The following USP42 variants were observed in gnomAD, a reference collection of about 807,000 sequenced individuals.
The protein encoded by USP42 is ubiquitin carboxyl-terminal hydrolase 42.
Under a neutral mutation model 113.0 loss-of-function variants are expected in USP42, and 23 were observed. The observed-to-expected ratio is 0.20, with a 90% CI of 0.15 to 0.29. The LOEUF is 0.29. Ranked by LOEUF, USP42 falls within the 10% of genes least tolerant of loss-of-function variation. The pLI is 1.00. For synonymous variants in USP42, 933 were observed against 699.0 expected (o/e 1.33, Z -5.28); for missense variants, 2,174 against 1,779.8 (o/e 1.22, Z -3.99).
chr7:6,139,880 T>G lies in USP42; in HGVS notation c.657-248T>G. ...TTCAGGACCAGACTCCTGCCTTGCT[T>G]CCCGAGTCCCTTCCTGACAGACACA... On this transcript the variant is annotated intron_variant, in intron 5 of 17. Transcript: ENST00000306177. The surrounding 1 kb of genome is among the most constrained non-coding windows in gnomAD (Gnocchi z 4.5). The G allele has an allele frequency of 1.8e-6, 1 of 547,038 alleles. No individual in the cohort carries two copies. Among genetic ancestry groups the G allele is most frequent in the Non-Finnish European group, 3.3e-6 (1 of 305,682 alleles). 33.9% of individuals were successfully genotyped at this position (547,038 alleles called of 1,614,324 possible).
At chr7:6,142,118 C>T (rs1441824590) in intron 7 of USP42, among the ~76,000 whole-genome samples, 4 of 152,012 alleles carry the variant, frequency 2.6e-5, no homozygotes, top group Non-Finnish European at 5.9e-5. Flanking sequence ...TATTTTTGTT[C>T]ACTTTAATTC....
Position 6,139,220 on chromosome 7 carries a change from G to A in USP42, c.656+26G>A. On this transcript the variant is annotated intron_variant, in intron 5 of 17. Transcript: ENST00000306177. This position sits in a 1 kb window ranked among gnomAD's most constrained non-coding sequence, Gnocchi z 4.5. Reference sequence around the variant, plus strand: ...GTAAGTACAACAGAGCGCCAGCCATGTCTTCATTGGGGATCTCTGGTTGTA... The same window carrying A: ...GTAAGTACAACAGAGCGCCAGCCATATCTTCATTGGGGATCTCTGGTTGTA... 2 of 1,496,040 alleles carry A rather than the reference G, an allele frequency of 1.3e-6. No homozygotes were observed. Among genetic ancestry groups the A allele is most frequent in the Non-Finnish European group, 1.8e-6 (2 of 1,100,368 alleles). 92.7% of individuals were successfully genotyped at this position (1,496,040 alleles called of 1,614,324 possible). A position where few individuals can be genotyped will look rare whatever the true frequency, so the allele number is the denominator to read the frequency against.
chr7:6,155,365 T>A (rs1344803885), intron 15 of USP42, among the ~76,000 whole-genome samples, 170 bp downstream of exon 15: 2 of 152,208 alleles, frequency 1.3e-5, no homozygotes, highest in East Asian at 3.8e-4. Context: ...TTTACAGATT[T>A]GTAAAAATTT....
At chr7:6,152,655 C>T (rs890853832) in intron 14 of USP42, among the ~76,000 whole-genome samples, 4 of 152,204 alleles carry the variant, frequency 2.6e-5, no homozygotes, top group Admixed American at 6.5e-5. Flanking sequence ...ACTCTGGCCT[C>T]ACCTAGGCCA....
the USP42 span, among the ~76,000 whole-genome samples, chr7:6,092,023 C>CTTTTCTTCTTCTTCTTCTTCTT: frequency 2.7e-4 from 29 of 108,388 alleles, no homozygotes; most frequent in Non-Finnish European, 4.2e-4. Flanking sequence ...TCTTCTTCTT[C>CTTTTCTTCTTCTTCTTCTTCTT]TTCTTCTTCT....
intron 10 of USP42, 24 bp downstream of exon 10, chr7:6,145,680 A>G (rs1414337394): frequency 6.2e-7 from 1 of 1,605,986 alleles, no homozygotes; most frequent in African/African-American, 1.3e-5. Flanking sequence ...ATTTGCTATT[A>G]ACTATTGTTA....
In USP42 at chr7:6,149,974, T is replaced by C; in HGVS notation, c.1778T>C (p.Met593Thr). The change falls in exon 13 of 18, where the codon ATG becomes ACG. Residue 593 changes from methionine (M) to threonine (T), a missense_variant. Transcript: ENST00000306177. Reference protein sequence around the residue: ...PRSESCSQPVMNGKSKLNSSV... With the variant: ...PRSESCSQPVTNGKSKLNSSV... ...AGTGAATCCTGCTCCCAGCCCGTGA[T>C]GAATGGCAAATCCAAGCTGAACTCC... is the stretch of plus-strand genomic sequence containing the variant. 1 of 1,613,882 alleles carries C rather than the reference T, an allele frequency of 6.2e-7. No individual in the cohort carries two copies. The highest frequency in any genetic ancestry group is 8.5e-7 in the Non-Finnish European group (1 of 1,179,838).
At chr7:6,108,312 A>G (rs1583569286) in intron 1 of USP42, among the ~76,000 whole-genome samples, 1 of 152,082 alleles carries the variant, frequency 6.6e-6, no homozygotes, top group Admixed American at 6.6e-5. Flanking sequence ...CAGAGGCAGG[A>G]GGATCGTTTG....
chr7:6,118,944 G>A (rs753569905), intron 3 of USP42, among the ~76,000 whole-genome samples: 3 of 151,914 alleles, frequency 2.0e-5, no homozygotes, highest in Admixed American at 6.6e-5. Context: ...GCCAACTGCA[G>A]TGGCTCATGT....
intron 4 of USP42, among the ~76,000 whole-genome samples, chr7:6,136,808 CTT>C (rs80342183): frequency 4.2e-5 from 6 of 141,976 alleles, no homozygotes; most frequent in Non-Finnish European, 3.1e-5. Context: ...TTCGGTTCTT[CTT>C]TTTTTTTTTT....
intron 3 of USP42, among the ~76,000 whole-genome samples, chr7:6,132,967 G>A (rs117029740): frequency 0.013 from 2,008 of 152,276 alleles, 27 homozygotes; most frequent in Middle Eastern, 0.061. Context: ...CACTGCGCCC[G>A]GCCCAGCACT....
In USP42 at chr7:6,158,386, C is replaced by T. The variant is rs142705750; in HGVS notation, c.3944-1064C>T. Among the ~76,000 whole-genome samples, 465 of 152,360 alleles carry T rather than the reference C, an allele frequency of 3.1e-3. 2 individuals carry two copies. The highest frequency in any genetic ancestry group is 0.011 in the African/African-American group (449 of 41,596). ...TCACGTGTGAAGCGCATCCCCTCCT[C>T]CCAGGGGCTTTTGACGAATCTTCAG... On this transcript the variant is annotated intron_variant, in intron 16 of 17. Transcript: ENST00000306177. The surrounding 1 kb of genome is among the most constrained non-coding windows in gnomAD (Gnocchi z 4.2).
At chr7:6,140,307 C>A in intron 6 of USP42, 112 bp downstream of exon 6, 1 of 960,810 alleles carries the variant, frequency 1.0e-6, no homozygotes, top group Non-Finnish European at 1.6e-6. Flanking sequence ...TTCTCTCCAG[C>A]CCAGATTCTC....
At chr7:6,116,519 G>A (rs1043228312) in intron 3 of USP42, 1 of 276,582 alleles carries the variant, frequency 3.6e-6, no homozygotes, top group Non-Finnish European at 6.9e-6. Context: ...ATTCATGTGT[G>A]TATGTTCTGG....
the USP42 span, among the ~76,000 whole-genome samples, chr7:6,092,053 C>T: frequency 8.4e-4 from 35 of 41,756 alleles, 1 homozygote; most frequent in South Asian, 2.3e-3. Flanking sequence ...TCTTCTTCTT[C>T]TTTCTTCTTC....
In USP42 at chr7:6,156,817, AAAG is replaced by A. The variant is rs749609264; in HGVS notation, c.3714_3716del (p.Lys1241del). On this transcript the variant is annotated inframe_deletion, in exon 16 of 18. Coordinates refer to ENST00000306177, the MANE Select transcript of USP42 (RefSeq NM_032172.3). ...ACGCTGACCTCCACAGACACAAAAA[AAAG>A]AAGAAGAAAAAGAAGAGACATTCAA... 757 of 1,607,746 alleles carry A rather than the reference AAAG, an allele frequency of 4.7e-4. 1 individual carries two copies. The highest frequency in any genetic ancestry group is 5.7e-4 in the Non-Finnish European group (670 of 1,178,152).
intron 1 of USP42, 148 bp downstream of exon 1, chr7:6,105,180 A>C (rs1779194037): frequency 7.1e-6 from 1 of 141,652 alleles, no homozygotes; most frequent in Non-Finnish European, 1.6e-5. Context: ...CTCCCCCTAC[A>C]CAGCCGCGGG....
In USP42 at chr7:6,158,154, T is replaced by G. The variant is rs1462930504; in HGVS notation, c.3943+1099T>G. Among the ~76,000 whole-genome samples the G allele has an allele frequency of 6.6e-6, 1 of 152,212 alleles. No homozygotes were observed. The highest frequency in any genetic ancestry group is 1.5e-5 in the Non-Finnish European group (1 of 68,034). ...CAATGCGTTTCACATGAAAATGATGTGAAATTCAGACCTCAGTGTCTGTGG... is the reference window on the plus strand; with the variant it reads ...CAATGCGTTTCACATGAAAATGATGGGAAATTCAGACCTCAGTGTCTGTGG... On this transcript the variant is annotated intron_variant, in intron 16 of 17. Transcript: ENST00000306177. The surrounding 1 kb of genome is among the most constrained non-coding windows in gnomAD (Gnocchi z 4.2).
At chr7:6,096,329 T>A in the USP42 span, among the ~76,000 whole-genome samples, 1 of 150,446 alleles carries the variant, frequency 6.6e-6, no homozygotes, top group Non-Finnish European at 1.5e-5. Context: ...CAAAGCAGAG[T>A]CTCCCCAAGG....
Sources: allele counts gnomAD v4.1 joint callset (sites outside exome capture counted in the v4.1 genomes callset), GRCh38; gene constraint gnomAD v4.1.1; non-coding constraint Gnocchi (gnomAD v3.1); transcripts MANE v1.5; gene names NCBI Gene and HGNC (gene_info 2026-07-23, HGNC 2026-07-21).